The following TAB2 variants were observed in gnomAD, a reference collection of about 807,000 sequenced individuals.
TAB2 encodes TGF-beta-activated kinase 1 and MAP3K7-binding protein 2.
In TAB2, 3 loss-of-function variants were observed where a neutral mutation model predicts 65.0. The ratio of observed to expected loss-of-function variants is 0.05; its 90% CI spans 0.02 to 0.12. TAB2 has a LOEUF of 0.12. TAB2 is among the 10% of genes least tolerant of loss of function. TAB2 has a pLI of 1.00. For missense variants in TAB2, 623 were observed against 840.3 expected (o/e 0.74, Z 3.20); for synonymous variants, 298 against 285.1 (o/e 1.05, Z -0.46).
At chr6:149,346,444 G>C (rs1780302622) in intron 1 of TAB2, 1 of 125,324 alleles carries the variant, frequency 8.0e-6, no homozygotes, top group Admixed American at 1.0e-4. Flanking sequence ...ATCAGTTGGT[G>C]AAACTTTTTT....
intron 1 of TAB2, among the ~76,000 whole-genome samples, chr6:149,229,719 G>A (rs1424963820): frequency 6.6e-6 from 1 of 151,954 alleles, no homozygotes; most frequent in Non-Finnish European, 1.5e-5. Flanking sequence ...ACTCTCTCTG[G>A]GTCAGTGAGA....
chr6:149,312,279 A>G (rs910615272), intron 1 of TAB2, among the ~76,000 whole-genome samples: 4 of 152,250 alleles, frequency 2.6e-5, no homozygotes, highest in African/African-American at 9.6e-5. Context: ...TGTTAGAGAA[A>G]TAAGATAAAA....
At chr6:149,312,705 A>G (rs1359878545) in intron 1 of TAB2, among the ~76,000 whole-genome samples, 1 of 152,172 alleles carries the variant, frequency 6.6e-6, no homozygotes, top group Non-Finnish European at 1.5e-5. Flanking sequence ...CTTTTCACAT[A>G]TTTGAGAGGA....
At chr6:149,322,825 T>G (rs1221655657) in intron 1 of TAB2, among the ~76,000 whole-genome samples, 1 of 152,184 alleles carries the variant, frequency 6.6e-6, no homozygotes, top group Non-Finnish European at 1.5e-5. Context: ...ATCATTTTGC[T>G]TGTTAATTCA....
At chr6:149,319,956 A>T (rs1779380666) in intron 1 of TAB2, among the ~76,000 whole-genome samples, 1 of 152,234 alleles carries the variant, frequency 6.6e-6, no homozygotes, top group Non-Finnish European at 1.5e-5. Flanking sequence ...AATAAATTTT[A>T]ACTTAATCCC....
intron 3 of TAB2, among the ~76,000 whole-genome samples, chr6:149,389,636 ACT>A (rs1282095191): frequency 2.2e-5 from 3 of 134,430 alleles, no homozygotes; most frequent in South Asian, 2.4e-4. Flanking sequence ...CAAGAGTAAA[ACT>A]CTGTGTCAAA....
chr6:149,404,167 T>C (rs1330237221), intron 6 of TAB2, among the ~76,000 whole-genome samples: 2 of 152,172 alleles, frequency 1.3e-5, no homozygotes, highest in Admixed American at 1.3e-4. Context: ...GTCAATTGTG[T>C]TTCTGTACAC....
chr6:149,276,738 A>T (rs571330452), intron 1 of TAB2, among the ~76,000 whole-genome samples: 1 of 152,350 alleles, frequency 6.6e-6, no homozygotes, highest in South Asian at 2.1e-4. Flanking sequence ...TAAAACCCCA[A>T]TGGAGGCGAT....
At chr6:149,313,805 G>A (rs1270516951), upstream of TAB2, among the ~76,000 whole-genome samples, 1 of 152,150 alleles carries the variant, frequency 6.6e-6, no homozygotes, top group Non-Finnish European at 1.5e-5. Flanking sequence ...ATCCAACTAT[G>A]GCCTAGGAGA....
chr6:149,368,339 T>C (rs1483583669), intron 1 of TAB2, among the ~76,000 whole-genome samples: 2 of 152,116 alleles, frequency 1.3e-5, no homozygotes, highest in Non-Finnish European at 2.9e-5. Flanking sequence ...ATAGTGGCTT[T>C]GATAAGTGTA....
chr6:149,283,724 A>G (rs1319917514), intron 1 of TAB2, among the ~76,000 whole-genome samples: 1 of 152,116 alleles, frequency 6.6e-6, no homozygotes, highest in African/African-American at 2.4e-5. Flanking sequence ...AACAAAACAA[A>G]CAAACAAACA....
At position 149,330,562 on chromosome 6, in the gene TAB2, T is replaced by A. The variant is rs934248106; in HGVS notation, c.-90+12547T>A. ...TGTTGAACATATTTTCATGTACTTC[T>A]TTGCTGTCTACATATCCTTTGTGGT... On this transcript the variant is annotated intron_variant, in intron 1 of 6. Coordinates refer to ENST00000637181, the MANE Select transcript of TAB2 (RefSeq NM_001292034.3). Among the ~76,000 whole-genome samples, 11 of 152,232 alleles carry A rather than the reference T, an allele frequency of 7.2e-5. No homozygotes were observed. In the South Asian group the frequency reaches 8.3e-4, roughly 11 times the overall value.
chr6:149,398,183 C>G (rs1782239970), intron 5 of TAB2, 121 bp downstream of exon 5: 5 of 827,882 alleles, frequency 6.0e-6, no homozygotes, highest in African/African-American at 1.7e-5. Context: ...GGCTTTGGAG[C>G]CAGACAGACT....
Position 149,369,984 on chromosome 6 carries a change from C to A in TAB2, c.-14C>A, listed in dbSNP as rs750102500. On this transcript the variant is annotated 5_prime_UTR_variant, in exon 2 of 7. Coordinates refer to ENST00000637181, the MANE Select transcript of TAB2 (RefSeq NM_001292034.3). ...TGCCTACTGTACAAATAGTCCTGAT[C>A]AGGCAATATACGAATGGCCCAAGGA... is the stretch of plus-strand genomic sequence containing the variant. The A allele has an allele frequency of 1.2e-6, 2 of 1,605,976 alleles. No homozygotes were observed. The highest frequency in any genetic ancestry group is 1.7e-6 in the Non-Finnish European group (2 of 1,172,638).
chr6:149,363,170 A>G (rs1780910075), intron 1 of TAB2, among the ~76,000 whole-genome samples: 1 of 152,216 alleles, frequency 6.6e-6, no homozygotes, highest in Non-Finnish European at 1.5e-5. Flanking sequence ...CAAAAATTGT[A>G]AAGTAACTGG....
chr6:149,380,312 G>A (rs961231294), intron 3 of TAB2, among the ~76,000 whole-genome samples: 5 of 152,094 alleles, frequency 3.3e-5, no homozygotes, highest in Admixed American at 6.5e-5. Flanking sequence ...CTATTACTGC[G>A]TAAGTATTAG....
At chr6:149,325,297 G>A (rs370787955) in intron 1 of TAB2, among the ~76,000 whole-genome samples, 5 of 152,130 alleles carry the variant, frequency 3.3e-5, no homozygotes, top group African/African-American at 1.2e-4. Flanking sequence ...GTGAATTCTT[G>A]TTCTAGTTAC....
At chr6:149,400,200 G>A (rs2114950359) in intron 6 of TAB2, 1 of 605,140 alleles carries the variant, frequency 1.7e-6, no homozygotes, top group South Asian at 2.2e-5. Flanking sequence ...TCTGGCAGCA[G>A]CCAATGGGAG....
intron 6 of TAB2, chr6:149,400,888 C>T: frequency 1.7e-6 from 1 of 574,172 alleles, no homozygotes. Context: ...TTTCTTCAAA[C>T]CAAACAGCCA....
Sources: gnomAD v4.1 joint callset for allele counts (sites outside exome capture counted in the v4.1 genomes callset) on GRCh38, gnomAD v4.1.1 for gene constraint, MANE v1.5 for transcripts, NCBI Gene and HGNC (gene_info 2026-07-23, HGNC 2026-07-21) for gene names.